The following CAMK1D variants were observed in gnomAD, a reference collection of about 807,000 sequenced individuals.
CAMK1D encodes calcium/calmodulin-dependent protein kinase type 1D.
A neutral mutation model predicts 47.7 loss-of-function variants in CAMK1D; 9 were observed. The ratio of observed to expected loss-of-function variants is 0.19; its 90% confidence interval spans 0.11 to 0.33. CAMK1D has a LOEUF of 0.33. CAMK1D is among the 10% of genes least tolerant of loss of function. CAMK1D has a pLI of 1.00. For missense variants in CAMK1D, 291 were observed against 488.7 expected (o/e 0.60, Z 3.81); for synonymous variants, 184 against 184.9 (o/e 0.99, Z 0.04).
intron 1 of CAMK1D, among the ~76,000 whole-genome samples, chr10:12,422,355 C>A (rs902584761): frequency 1.3e-5 from 2 of 152,176 alleles, no homozygotes; most frequent in African/African-American, 4.8e-5. Context: ...TCCGGTTATT[C>A]TTGATTTTCA....
chr10:12,472,034 C>CAAA (rs60064606), intron 1 of CAMK1D, among the ~76,000 whole-genome samples: 5 of 94,668 alleles, frequency 5.3e-5, no homozygotes, highest in African/African-American at 1.9e-4. Flanking sequence ...GACTCTGTCT[C>CAAA]AAAAAAAAAA....
chr10:12,637,263 C>T (rs1252048840), intron 2 of CAMK1D, among the ~76,000 whole-genome samples: 3 of 152,152 alleles, frequency 2.0e-5, no homozygotes, highest in Admixed American at 6.5e-5. Flanking sequence ...TGAGCCACTG[C>T]GCCACGTCCA....
At chr10:12,777,096 G>A (rs530610217) in intron 5 of CAMK1D, among the ~76,000 whole-genome samples, 5 of 152,158 alleles carry the variant, frequency 3.3e-5, no homozygotes, top group Non-Finnish European at 7.3e-5. Flanking sequence ...ATTTATGGCT[G>A]CGTTTTAAAG....
intron 2 of CAMK1D, among the ~76,000 whole-genome samples, chr10:12,566,214 G>C (rs1036364509): frequency 2.0e-5 from 3 of 152,016 alleles, no homozygotes; most frequent in Non-Finnish European, 4.4e-5. Flanking sequence ...TATGTGTAAG[G>C]GACATCTTGC....
chr10:12,732,879 C>G (rs576283480), intron 3 of CAMK1D, among the ~76,000 whole-genome samples: 142 of 152,144 alleles, frequency 9.3e-4, no homozygotes, highest in Admixed American at 2.0e-3. Flanking sequence ...TTGAGATCTT[C>G]CCTCCACCAC....
At chr10:12,574,392 C>T (rs1312593900) in intron 2 of CAMK1D, among the ~76,000 whole-genome samples, 1 of 150,732 alleles carries the variant, frequency 6.6e-6, no homozygotes, top group African/African-American at 2.5e-5. Flanking sequence ...ACCTCTGCTT[C>T]CTAGGTTCAA....
At chr10:12,472,764 C>T (rs1407069793) in intron 1 of CAMK1D, among the ~76,000 whole-genome samples, 2 of 152,196 alleles carry the variant, frequency 1.3e-5, no homozygotes, top group African/African-American at 4.8e-5. Flanking sequence ...TCAGATAATC[C>T]ACCCGCCTCG....
intron 3 of CAMK1D, among the ~76,000 whole-genome samples, chr10:12,684,646 C>G (rs1396492215): frequency 6.6e-6 from 1 of 152,106 alleles, no homozygotes. Flanking sequence ...TGAACAAGTT[C>G]CTATAGCCGT....
intron 1 of CAMK1D, among the ~76,000 whole-genome samples, chr10:12,379,997 G>C (rs1838294689): frequency 6.6e-6 from 1 of 151,996 alleles, no homozygotes; most frequent in Non-Finnish European, 1.5e-5. Flanking sequence ...GGCGGATCAT[G>C]AGGTCAGGAG....
chr10:12,815,503 C>T (rs1186849907), intron 7 of CAMK1D, among the ~76,000 whole-genome samples: 1 of 152,252 alleles, frequency 6.6e-6, no homozygotes, highest in Non-Finnish European at 1.5e-5. Flanking sequence ...GAAAGAGCCA[C>T]ATGGGAAGTA....
intron 1 of CAMK1D, among the ~76,000 whole-genome samples, chr10:12,510,645 G>A (rs1203583129): frequency 6.6e-6 from 1 of 152,098 alleles, no homozygotes; most frequent in Admixed American, 6.6e-5. Flanking sequence ...GCCACCTCCG[G>A]GACCCCCCTA....
chr10:12,819,398 A>C (rs1279184973), intron 8 of CAMK1D, among the ~76,000 whole-genome samples: 4 of 152,160 alleles, frequency 2.6e-5, no homozygotes, highest in African/African-American at 9.7e-5. Context: ...TGAGACTGGG[A>C]AGGAGGGCAG....
At chr10:12,403,907 C>T (rs1588447964) in intron 1 of CAMK1D, among the ~76,000 whole-genome samples, 1 of 151,690 alleles carries the variant, frequency 6.6e-6, no homozygotes, top group South Asian at 2.1e-4. Flanking sequence ...AGAGCAGGTC[C>T]CTGGTTTCCC....
At chr10:12,565,242 G>A (rs371074557) in intron 2 of CAMK1D, among the ~76,000 whole-genome samples, 2 of 145,312 alleles carry the variant, frequency 1.4e-5, no homozygotes, top group Non-Finnish European at 3.1e-5. Context: ...ATACATCTCC[G>A]TATTTTTAAT....
At chr10:12,751,858 C>T (rs1004237900) in intron 3 of CAMK1D, among the ~76,000 whole-genome samples, 1 of 152,188 alleles carries the variant, frequency 6.6e-6, no homozygotes, top group Non-Finnish European at 1.5e-5. Context: ...AGAAAGTAAA[C>T]CCAGAAGCCG....
chr10:12,516,760 A>G (rs1835223166), intron 1 of CAMK1D, among the ~76,000 whole-genome samples: 1 of 152,186 alleles, frequency 6.6e-6, no homozygotes, highest in African/African-American at 2.4e-5. Flanking sequence ...GCATCTTTTC[A>G]TCTGCCTGTT....
intron 1 of CAMK1D, among the ~76,000 whole-genome samples, chr10:12,503,036 GT>G (rs1233941831): frequency 3.3e-5 from 5 of 152,254 alleles, no homozygotes; most frequent in Non-Finnish European, 5.9e-5. Flanking sequence ...ATGTGTGTGT[GT>G]GTGCATGTGT....
intron 2 of CAMK1D, among the ~76,000 whole-genome samples, chr10:12,563,789 T>G (rs1011999710): frequency 1.3e-5 from 2 of 152,146 alleles, no homozygotes; most frequent in Admixed American, 1.3e-4. Context: ...CCTTGTATAC[T>G]ATACATATTA....
chr10:12,413,810 G>A (rs1401043229), intron 1 of CAMK1D, among the ~76,000 whole-genome samples: 1 of 152,154 alleles, frequency 6.6e-6, no homozygotes, highest in Non-Finnish European at 1.5e-5. Context: ...TATTTTCACA[G>A]TTTGGAGATG....
Sources: allele counts gnomAD v4.1 joint callset (sites outside exome capture counted in the v4.1 genomes callset), GRCh38; gene constraint gnomAD v4.1.1; transcripts MANE v1.5; gene names NCBI Gene and HGNC (gene_info 2026-07-23, HGNC 2026-07-21).